Variants in BMP15 observed in about 807,000 individuals in gnomAD.
BMP15 encodes growth/differentiation factor 9B.
Under a neutral mutation model 4.4 loss-of-function variants are expected in BMP15, and 5 were observed. That is an observed-to-expected ratio of 1.13 (90% confidence interval 0.59 to 2.38). The LOEUF is 2.38. Ranked by LOEUF, BMP15 falls within the 30% of genes most tolerant of loss-of-function variation. The pLI, the probability that BMP15 is intolerant of heterozygous loss-of-function variation, is 0.01. For synonymous variants in BMP15, 125 were observed against 114.6 expected (o/e 1.09, Z -0.58); for missense variants, 339 against 309.8 (o/e 1.09, Z -0.71).
chrX:50,916,360 C>T lies in BMP15; in HGVS notation c.932C>T (p.Ala311Val). The change falls in exon 2 of 2, where the codon GCT becomes GTT. Residue 311 changes from alanine (A) to valine (V), a missense_variant. Coordinates refer to ENST00000252677, the MANE Select transcript of BMP15 (RefSeq NM_005448.2). ...RQLGWDHWII[A>V]PPFYTPNYCK... ...CTGGGTTGGGATCACTGGATCATTGCTCCCCCTTTCTACACCCCAAACTAC... is the reference window on the plus strand; with the variant it reads ...CTGGGTTGGGATCACTGGATCATTGTTCCCCCTTTCTACACCCCAAACTAC... The T allele has an allele frequency of 8.4e-7, 1 of 1,192,232 alleles. No individual in the cohort carries two copies. The highest frequency in any genetic ancestry group is 1.1e-6 in the Non-Finnish European group (1 of 884,648).
At chrX:50,912,600 G>A (rs1557280032) in intron 1 of BMP15, among the ~76,000 whole-genome samples, 1 of 111,431 alleles carries the variant, frequency 9.0e-6, no homozygotes, top group African/African-American at 3.3e-5. Context: ...GGAGCAAAGA[G>A]GTCATGCATT....
At chrX:50,912,088 T>A (rs1436363899) in intron 1 of BMP15, among the ~76,000 whole-genome samples, 1 of 111,861 alleles carries the variant, frequency 8.9e-6, no homozygotes, top group Non-Finnish European at 1.9e-5. Flanking sequence ...AATATTCTCG[T>A]ACCTAACCCT....
In BMP15 at chrX:50,914,729, A is replaced by G. The variant is rs782736259; in HGVS notation, c.329-1028A>G. 2.7e-5 allele frequency among the ~76,000 whole-genome samples: 3 copies of G among 112,115 alleles called. 1 individual carries two copies. In the East Asian group the frequency reaches 8.5e-4, roughly 32 times the overall value. ...ATTAACATGGAATTATTTACTGATA[A>G]GATGTCTGAAGATGAGAGGTGGCTT... On this transcript the variant is annotated intron_variant, in intron 1 of 1. Coordinates refer to ENST00000252677, the MANE Select transcript of BMP15 (RefSeq NM_005448.2).
intron 1 of BMP15, among the ~76,000 whole-genome samples, chrX:50,911,543 A>G (rs949227373): frequency 8.9e-6 from 1 of 112,187 alleles, no homozygotes; most frequent in Admixed American, 9.5e-5. Flanking sequence ...AAATAAGCTT[A>G]CATCTGAGGG....
Position 50,916,128 on chromosome X carries a change from C to T in BMP15, c.700C>T (p.Leu234Phe). The change falls in exon 2 of 2, where the codon CTC (leucine) becomes TTC (phenylalanine). Residue 234 changes from leucine to phenylalanine, a missense_variant. Coordinates refer to ENST00000252677, the MANE Select transcript of BMP15 (RefSeq NM_005448.2). ...TSSLDIAFLL[L>F]YFNDTHKSIR... ...ATCCTTGGACATTGCCTTCTTGTTA[C>T]TCTATTTCAATGATACTCATAAAAG... The T allele has an allele frequency of 1.7e-6, 2 of 1,211,712 alleles. No individual in the cohort carries two copies. The highest frequency in any genetic ancestry group is 2.2e-6 in the Non-Finnish European group (2 of 895,552).
intron 1 of BMP15, among the ~76,000 whole-genome samples, chrX:50,914,032 A>G (rs1289096367): frequency 1.8e-5 from 2 of 111,589 alleles, no homozygotes; most frequent in Admixed American, 9.5e-5. Flanking sequence ...GTGCAGTGGC[A>G]CAAACTCGGC....
intron 1 of BMP15, among the ~76,000 whole-genome samples, chrX:50,912,844 G>A (rs1557280061): frequency 1.8e-5 from 2 of 111,863 alleles, no homozygotes; most frequent in Admixed American, 1.9e-4. Context: ...GAAGTAGGTT[G>A]TTAAGATAGA....
Position 50,910,747 on chromosome X carries a change from G to T in BMP15, c.-37G>T, listed in dbSNP as rs782723569. 2.6e-6 allele frequency: 3 copies of T among 1,146,606 alleles called. No homozygotes were observed. Among genetic ancestry groups the T allele is most frequent in the African/African-American group, 1.8e-5 (1 of 56,472 alleles). The allele number at this position is 1,146,606 out of a possible 1,213,427, so 94.5% of individuals were successfully genotyped here. ...GGTCAGAGTGACGTCCCTTGGGCTT[G>T]TGTTGGGGCCTGTTGTTGAACACTA... On this transcript the variant is annotated 5_prime_UTR_variant, in exon 1 of 2. Transcript: ENST00000252677.
In BMP15 at chrX:50,915,992, A is replaced by G. The variant is rs1923118953; in HGVS notation, c.564A>G (p.Gln188=). ...SNAWKEMDIT[Q]LVQQRFWNNK... ...CTTGGAAAGAGATGGATATCACACA[A>G]CTTGTTCAGCAAAGGTTCTGGAATA... The change falls in exon 2 of 2, where the codon CAA becomes CAG. Residue 188 remains glutamine (Q), a synonymous_variant. Coordinates refer to ENST00000252677, the MANE Select transcript of BMP15 (RefSeq NM_005448.2). 8.3e-7 allele frequency: 1 copy of G among 1,211,577 alleles called. No homozygotes were observed.
rs1408453614 is a variant in BMP15 at position 50,916,094 on chromosome X, T to C, written c.666T>C (p.His222=). ...ATAGTGGTGGTCTTGAGCTCTGGCA[T>C]GGCACTTCATCCTTGGACATTGCCT... ...QKDSGGLELW[H]GTSSLDIAFL... Residue 222 remains histidine (H), a synonymous_variant, in exon 2 of 2, where the codon CAT becomes CAC. Coordinates refer to ENST00000252677, the MANE Select transcript of BMP15 (RefSeq NM_005448.2). The C allele has an allele frequency of 4.1e-6, 5 of 1,212,089 alleles. No individual in the cohort carries two copies. Among genetic ancestry groups the C allele is most frequent in the South Asian group, 1.8e-5 (1 of 56,994 alleles).
At position 50,916,457 on chromosome X, in the gene BMP15, T is replaced by A; in HGVS notation, c.1029T>A (p.Leu343=). 8.3e-7 allele frequency: 1 copy of A among 1,211,472 alleles called. No individual in the cohort carries two copies. The highest frequency in any genetic ancestry group is 1.1e-6 in the Non-Finnish European group (1 of 895,467). ...NSPNHAIIQN[L]INQLVDQSVP... ...CCAATCACGCCATTATTCAGAACCT[T>A]ATCAATCAGTTGGTGGACCAGAGTG... The change falls in exon 2 of 2, where the codon CTT becomes CTA. Residue 343 remains leucine, a synonymous_variant. Transcript: ENST00000252677.
chrX:50,911,135 G>A (rs370214433), intron 1 of BMP15, 24 bp downstream of exon 1: 1 of 1,157,186 alleles, frequency 8.6e-7, no homozygotes, highest in African/African-American at 1.8e-5. Flanking sequence ...CCCCCATACT[G>A]CCCTGGAAGG....
In BMP15 at chrX:50,916,115, T is replaced by A; in HGVS notation, c.687T>A (p.Ile229=). ...GGCATGGCACTTCATCCTTGGACAT[T>A]GCCTTCTTGTTACTCTATTTCAATG... ...ELWHGTSSLD[I]AFLLLYFNDT... Residue 229 remains isoleucine (I), a synonymous_variant, in exon 2 of 2, where the codon ATT becomes ATA. Transcript: ENST00000252677. The A allele has an allele frequency of 8.3e-7, 1 of 1,211,780 alleles. No individual in the cohort carries two copies. Among genetic ancestry groups the A allele is most frequent in the South Asian group, 1.8e-5 (1 of 56,956 alleles).
intron 1 of BMP15, among the ~76,000 whole-genome samples, chrX:50,912,729 C>G (rs936471059): frequency 9.0e-6 from 1 of 111,619 alleles, no homozygotes; most frequent in Admixed American, 9.5e-5. Context: ...CAGATGTGAT[C>G]AAGATAGGTA....
At position 50,911,050 on chromosome X, in the gene BMP15, C is replaced by G; in HGVS notation, c.267C>G (p.Thr89=). Residue 89 remains threonine, a synonymous_variant, in exon 1 of 2, where the codon ACC becomes ACG. Transcript: ENST00000252677. ...DSHGHPRENR[T]IGATMVRLVK... ...ATGGGCACCCTAGAGAGAACCGCAC[C>G]ATTGGGGCCACCATGGTGAGGCTGG... 3.3e-6 allele frequency: 4 copies of G among 1,198,257 alleles called. No homozygotes were observed. The highest frequency in any genetic ancestry group is 4.5e-6 in the Non-Finnish European group (4 of 888,663).
At chrX:50,915,673 C>A in intron 1 of BMP15, 84 bp from the exon 2 acceptor site, 1 of 1,140,457 alleles carries the variant, frequency 8.8e-7, no homozygotes, top group Non-Finnish European at 1.2e-6. Flanking sequence ...AGCTATCAGT[C>A]TATATCAAGA....
At chrX:50,911,507 A>T (rs1923014404) in intron 1 of BMP15, among the ~76,000 whole-genome samples, 1 of 112,112 alleles carries the variant, frequency 8.9e-6, no homozygotes, top group Non-Finnish European at 1.9e-5. Flanking sequence ...GAGTTGGGGA[A>T]ACTTATAAGG....
intron 1 of BMP15, among the ~76,000 whole-genome samples, chrX:50,912,228 C>T (rs1923028743): frequency 9.0e-6 from 1 of 111,606 alleles, no homozygotes; most frequent in Non-Finnish European, 1.9e-5. Flanking sequence ...GGATCAGAGT[C>T]ACTTACCCAT....
chrX:50,911,479 CTT>C (rs782148641), intron 1 of BMP15, among the ~76,000 whole-genome samples: 8 of 112,042 alleles, frequency 7.1e-5, no homozygotes, highest in Non-Finnish European at 1.5e-4. Context: ...GCGTTTTGCT[CTT>C]AGAGTACAGC....
Sources: gnomAD v4.1 joint callset for allele counts (sites outside exome capture counted in the v4.1 genomes callset) on GRCh38, gnomAD v4.1.1 for gene constraint, MANE v1.5 for transcripts, NCBI Gene and HGNC (gene_info 2026-07-23, HGNC 2026-07-21) for gene names.